Variants in PPIL6 observed in about 807,000 individuals in gnomAD.
The protein encoded by PPIL6 is probable inactive peptidyl-prolyl cis-trans isomerase-like 6.
A neutral mutation model predicts 36.8 loss-of-function variants in PPIL6; 39 were observed. That is an observed-to-expected ratio of 1.06 (90% confidence interval 0.82 to 1.38). PPIL6 has a LOEUF of 1.38. PPIL6 is among the 40% of genes most tolerant of loss of function. PPIL6 has a pLI of 0.00. For missense variants in PPIL6, 368 were observed against 379.1 expected (o/e 0.97, Z 0.24); for synonymous variants, 123 against 134.1 (o/e 0.92, Z 0.57).
rs142043442 is a variant in PPIL6 at position 109,403,896 on chromosome 6, C to T, written c.689-3726G>A. Among the ~76,000 whole-genome samples the T allele has an allele frequency of 1.5e-3, 221 of 152,258 alleles. 1 individual carries two copies. The highest frequency in any genetic ancestry group is 3.4e-3 in the Middle Eastern group (1 of 294). On this transcript the variant is annotated intron_variant, in intron 6 of 7. Transcript: ENST00000521072. The stretch of plus-strand genomic sequence containing the variant: ...ATGTGGAGGAAGGACTGGCTGGCTG[C>T]TGCATTCACATTCCCAGGCAGGTGA...
In PPIL6 at chr6:109,392,596, A is replaced by G. The variant is rs1239936659; in HGVS notation, c.*230T>C. ...GTCCCACTGGCCAGAACCATCTCTC[A>G]TGGCCACCCGTGGCTGCAAAGGAGT... On this transcript the variant is annotated 3_prime_UTR_variant, in exon 8 of 8. Coordinates refer to ENST00000521072, the MANE Select transcript of PPIL6 (RefSeq NM_173672.5). 6 of 450,802 alleles carry G rather than the reference A, an allele frequency of 1.3e-5. No individual in the cohort carries two copies. Among genetic ancestry groups the G allele is most frequent in the Non-Finnish European group, 2.3e-5 (6 of 255,790 alleles). 27.9% of individuals were successfully genotyped at this position (450,802 alleles called of 1,614,324 possible). A position where few individuals can be genotyped will look rare whatever the true frequency, so the allele number is the denominator to read the frequency against.
At chr6:109,441,071 G>T (rs779018459), upstream of PPIL6, 8 of 1,601,770 alleles carry the variant, frequency 5.0e-6, no homozygotes, top group East Asian at 2.2e-5. Flanking sequence ...TCCCCACCGC[G>T]GCCGTCGCTG....
In PPIL6 at chr6:109,392,320, C is replaced by A. The variant is rs1168895693; in HGVS notation, c.*506G>T. On this transcript the variant is annotated 3_prime_UTR_variant, in exon 8 of 8. Transcript: ENST00000521072. The stretch of plus-strand genomic sequence containing the variant: ...AAGTAGCTGGGACTACAAGTGCATG[C>A]CACCATGCCCAGCTAATTTCTGTAG... 1 of 152,400 alleles carries A rather than the reference C, an allele frequency of 6.6e-6. No homozygotes were observed. The highest frequency in any genetic ancestry group is 1.5e-5 in the Non-Finnish European group (1 of 68,206). 9.4% of individuals were successfully genotyped at this position (152,400 alleles called of 1,614,324 possible).
chr6:109,425,801 A>C (rs1031841605), intron 5 of PPIL6, among the ~76,000 whole-genome samples: 1 of 151,930 alleles, frequency 6.6e-6, no homozygotes, highest in Non-Finnish European at 1.5e-5. Context: ...AGCACATGAG[A>C]GTCAACACTG....
chr6:109,422,024 A>G (rs547029878), intron 5 of PPIL6, among the ~76,000 whole-genome samples: 67 of 152,150 alleles, frequency 4.4e-4, no homozygotes, highest in African/African-American at 1.6e-3. Context: ...CTATAGGCGC[A>G]TGCCACCACG....
At position 109,413,579 on chromosome 6, in the gene PPIL6, G is replaced by C. The variant is rs1294886827; in HGVS notation, c.688+5608C>G. On this transcript the variant is annotated intron_variant, in intron 6 of 7. Coordinates refer to ENST00000521072, the MANE Select transcript of PPIL6 (RefSeq NM_173672.5). The surrounding 1 kb of genome is among the most constrained non-coding windows in gnomAD (Gnocchi z 4.6). ...GGTTCCTCAAAAAACTAAAAATAGA[G>C]CTACCATATGATCCAGGAATCTCAC... is the stretch of plus-strand genomic sequence containing the variant. Among the ~76,000 whole-genome samples, 2 of 152,148 alleles carry C rather than the reference G, an allele frequency of 1.3e-5. No individual in the cohort carries two copies. Among genetic ancestry groups the C allele is most frequent in the Non-Finnish European group, 2.9e-5 (2 of 68,024 alleles).
chr6:109,397,911 T>A (rs933850580), intron 7 of PPIL6, among the ~76,000 whole-genome samples: 8 of 146,896 alleles, frequency 5.4e-5, no homozygotes, highest in Non-Finnish European at 7.4e-5. Flanking sequence ...TTTTTTTTTT[T>A]AAATGGTGTC....
At chr6:109,426,308 A>G (rs1410169802) in intron 5 of PPIL6, among the ~76,000 whole-genome samples, 1 of 152,186 alleles carries the variant, frequency 6.6e-6, no homozygotes, top group African/African-American at 2.4e-5. Context: ...TATCCCCCAA[A>G]AGGCGCCCAA....
intron 5 of PPIL6, among the ~76,000 whole-genome samples, chr6:109,422,732 C>T (rs1451153658): frequency 1.3e-5 from 2 of 152,128 alleles, no homozygotes; most frequent in African/African-American, 4.8e-5. Context: ...CAGAAAAGTT[C>T]ATTTAGACAA....
chr6:109,419,209 C>A lies in PPIL6; in HGVS notation c.666G>T (p.Ser222=), dbSNP rs373518923. The part of the protein sequence containing the change: ...IVYGKGDNGE[S]IYGPTFEDEN... The stretch of plus-strand genomic sequence containing the variant: ...TACCTTCAAATGTTGGACCATAAAT[C>A]GACTCTCCATTATCTCCTTTTCCAT... Residue 222 remains serine (S), a synonymous_variant, in exon 6 of 8, where the codon TCG becomes TCT. Transcript: ENST00000521072. The A allele has an allele frequency of 5.1e-6, 8 of 1,566,092 alleles. No homozygotes were observed. The African/African-American group carries it at 9.5e-5, about 19-fold the overall frequency.
At chr6:109,417,593 G>C (rs1488156510) in intron 6 of PPIL6, among the ~76,000 whole-genome samples, 3 of 152,018 alleles carry the variant, frequency 2.0e-5, no homozygotes, top group Non-Finnish European at 2.9e-5. Flanking sequence ...TATAAAATTA[G>C]TGTAATAGTG....
intron 2 of PPIL6, 54 bp from the exon 3 acceptor site, chr6:109,431,399 T>A (rs1434702135): frequency 7.4e-7 from 1 of 1,351,358 alleles, no homozygotes; most frequent in Admixed American, 2.2e-5. Context: ...GGGGGAAAAC[T>A]TGCTAAACCC....
At chr6:109,426,822 C>T (rs774396514) in intron 5 of PPIL6, 25 bp downstream of exon 5, 4 of 1,443,170 alleles carry the variant, frequency 2.8e-6, no homozygotes, top group Non-Finnish European at 3.7e-6. Flanking sequence ...TTGCAATTAA[C>T]TCGTATTTAA....
At chr6:109,401,496 C>T (rs961558134) in intron 6 of PPIL6, among the ~76,000 whole-genome samples, 1 of 152,190 alleles carries the variant, frequency 6.6e-6, no homozygotes, top group East Asian at 1.9e-4. Context: ...ACTAAGCAAA[C>T]TAAGTGATTA....
chr6:109,441,041 GGCGCCGCCGGCCGCCCCC>G, upstream of PPIL6: 1 of 1,450,688 alleles, frequency 6.9e-7, no homozygotes, highest in Non-Finnish European at 9.7e-7. Context: ...CTGGGGAGAA[GGCGCCGCCGGCCGCCCCC>G]GTCCCCACCG....
intron 1 of PPIL6, among the ~76,000 whole-genome samples, chr6:109,439,104 A>G (rs879926075): frequency 6.6e-6 from 1 of 152,228 alleles, no homozygotes; most frequent in East Asian, 1.9e-4. Context: ...CTTTACAGAA[A>G]AAAACTTGTC....
chr6:109,440,154 G>C, intron 1 of PPIL6: 1 of 467,130 alleles, frequency 2.1e-6, no homozygotes, highest in South Asian at 1.7e-5. Flanking sequence ...CTGCGGGTGT[G>C]TGTGTGTGTG....
chr6:109,434,066 G>A (rs1774312976), intron 2 of PPIL6, among the ~76,000 whole-genome samples: 1 of 152,088 alleles, frequency 6.6e-6, no homozygotes, highest in Admixed American at 6.5e-5. Flanking sequence ...TGGGTGGAGA[G>A]CATGACACTG....
At chr6:109,400,909 G>A (rs1259844685) in intron 6 of PPIL6, among the ~76,000 whole-genome samples, 1 of 151,962 alleles carries the variant, frequency 6.6e-6, no homozygotes, top group Non-Finnish European at 1.5e-5. Context: ...GCCCAGGCTG[G>A]AGTGCAGTGG....
Sources: allele counts gnomAD v4.1 joint callset (sites outside exome capture counted in the v4.1 genomes callset), GRCh38; gene constraint gnomAD v4.1.1; non-coding constraint Gnocchi (gnomAD v3.1); transcripts MANE v1.5; gene names NCBI Gene and HGNC (gene_info 2026-07-23, HGNC 2026-07-21).